PLEK2: variants seen among roughly 807,000 people sequenced by gnomAD.
PLEK2 encodes pleckstrin-2.
Under a neutral mutation model 43.8 loss-of-function variants are expected in PLEK2, and 29 were observed. That is an observed-to-expected ratio of 0.66 (90% confidence interval 0.49 to 0.90). The LOEUF is 0.90. PLEK2 is among the 40% of genes least tolerant of loss of function. The pLI is 0.00. For missense variants in PLEK2, 398 were observed against 448.1 expected (o/e 0.89, Z 1.01); for synonymous variants, 162 against 173.2 (o/e 0.94, Z 0.51).
chr14:67,405,999 T>C (rs1325052770), intron 1 of PLEK2, among the ~76,000 whole-genome samples: 1 of 152,196 alleles, frequency 6.6e-6, no homozygotes, highest in African/African-American at 2.4e-5. Flanking sequence ...GGCTCACACC[T>C]GTAATCCCAG....
chr14:67,397,272 C>CT (rs145293907), intron 2 of PLEK2, among the ~76,000 whole-genome samples: 1 of 152,260 alleles, frequency 6.6e-6, no homozygotes, highest in Non-Finnish European at 1.5e-5. Context: ...GAAGCCACCC[C>CT]TTACTTCTGG....
At chr14:67,399,553 A>C (rs1390502708) in intron 1 of PLEK2, among the ~76,000 whole-genome samples, 2 of 139,590 alleles carry the variant, frequency 1.4e-5, no homozygotes, top group Admixed American at 7.1e-5. Flanking sequence ...AGAGAAGGGT[A>C]GTTTAGGTGG....
At chr14:67,409,726 C>T (rs1028062022) in intron 1 of PLEK2, among the ~76,000 whole-genome samples, 3 of 152,172 alleles carry the variant, frequency 2.0e-5, no homozygotes, top group East Asian at 1.9e-4. Context: ...TCGCTTTCAC[C>T]GGTGATGACT....
In PLEK2 at chr14:67,397,683, G is replaced by A; in HGVS notation, c.186C>T (p.Cys62=). Residue 62 remains cysteine, a synonymous_variant, in exon 2 of 9, where the codon TGC becomes TGT. Transcript: ENST00000216446. ...TTACCGGTCGGTTTTCATACTCCAGGCAGGGGCAGGTGATGGTGCAGCCAT... is the reference window on the plus strand; with the variant it reads ...TTACCGGTCGGTTTTCATACTCCAGACAGGGGCAGGTGATGGTGCAGCCAT... ...LLDGCTITCP[C]LEYENRPLLI... is the part of the protein sequence containing the mutation. 1.2e-6 allele frequency: 2 copies of A among 1,612,396 alleles called. No individual in the cohort carries two copies. The highest frequency in any genetic ancestry group is 1.1e-5 in the South Asian group (1 of 90,442).
At chr14:67,395,307 C>T in intron 3 of PLEK2, 95 bp downstream of exon 3, 2 of 1,071,188 alleles carry the variant, frequency 1.9e-6, no homozygotes, top group Non-Finnish European at 2.8e-6. Context: ...CCAGACTGTG[C>T]AGCAAGCACA....
intron 1 of PLEK2, among the ~76,000 whole-genome samples, chr14:67,411,691 G>C (rs193061170): frequency 6.6e-6 from 1 of 152,308 alleles, no homozygotes; most frequent in East Asian, 1.9e-4. Flanking sequence ...TATTATCTTA[G>C]TAAATATTAT....
chr14:67,403,609 T>C (rs571177770), intron 1 of PLEK2, among the ~76,000 whole-genome samples: 3 of 152,306 alleles, frequency 2.0e-5, no homozygotes, highest in Admixed American at 2.0e-4. Flanking sequence ...TCCTAACTGA[T>C]AGCAAAGGAG....
At chr14:67,399,188 A>C (rs905485437) in intron 1 of PLEK2, among the ~76,000 whole-genome samples, 1 of 151,140 alleles carries the variant, frequency 6.6e-6, no homozygotes, top group African/African-American at 2.5e-5. Flanking sequence ...AGAGAAGGGT[A>C]GTTTAGGTGG....
At chr14:67,388,128 C>G in intron 8 of PLEK2, 96 bp downstream of exon 8, 2 of 769,236 alleles carry the variant, frequency 2.6e-6, no homozygotes, top group Non-Finnish European at 2.3e-6. Flanking sequence ...AAGCCCTGCT[C>G]GGCTCCCAAA....
In PLEK2 at chr14:67,410,167, G is replaced by T. The variant is rs186640405; in HGVS notation, c.42+1851C>A. ...AGTCCCATCCTCCTGGTGATATCCT[G>T]GGAGCTCTGTGGCTCTGCCCTTAGC... is the stretch of plus-strand genomic sequence containing the variant. On this transcript the variant is annotated intron_variant, in intron 1 of 8. Coordinates refer to ENST00000216446, the MANE Select transcript of PLEK2 (RefSeq NM_016445.3). Among the ~76,000 whole-genome samples, 97 of 152,172 alleles carry T rather than the reference G, an allele frequency of 6.4e-4. 1 individual carries two copies. The East Asian group carries it at 0.019, about 29-fold the overall frequency.
In PLEK2 at chr14:67,411,949, C is replaced by A. The variant is rs571236851; in HGVS notation, c.42+69G>T. 5.9e-5 allele frequency: 82 copies of A among 1,399,672 alleles called. No homozygotes were observed. The African/African-American group carries it at 9.9e-4, about 17-fold the overall frequency. The allele number at this position is 1,399,672 out of a possible 1,614,324, so 86.7% of individuals were successfully genotyped here. ...TGCCCGTTCCGGGGCGCGCGTCTGG[C>A]CCCGCTCTAGGGAGCCGCGTCGGCG... is the stretch of plus-strand genomic sequence containing the variant. On this transcript the variant is annotated intron_variant, in intron 1 of 8. Transcript: ENST00000216446.
chr14:67,408,234 C>T (rs2086092397), intron 1 of PLEK2, among the ~76,000 whole-genome samples: 1 of 149,774 alleles, frequency 6.7e-6, no homozygotes, highest in Non-Finnish European at 1.5e-5. Context: ...TGCAGTGAGC[C>T]GAGATTGCAC....
At chr14:67,391,269 A>G (rs1478434310) in intron 6 of PLEK2, among the ~76,000 whole-genome samples, 17 of 139,646 alleles carry the variant, frequency 1.2e-4, no homozygotes, top group Admixed American at 1.1e-3. Flanking sequence ...TAAGCAGCTG[A>G]TATGTGTGTG....
intron 1 of PLEK2, among the ~76,000 whole-genome samples, chr14:67,411,164 A>C (rs2086112916): frequency 6.6e-6 from 1 of 151,544 alleles, no homozygotes; most frequent in African/African-American, 2.4e-5. Context: ...AAAAAGGTCA[A>C]ATCAGGAAAA....
intron 7 of PLEK2, among the ~76,000 whole-genome samples, chr14:67,389,536 C>T (rs555371394): frequency 6.6e-6 from 1 of 152,228 alleles, no homozygotes; most frequent in Admixed American, 6.5e-5. Flanking sequence ...ATCTCTTCTG[C>T]ACTGTTTCCA....
intron 2 of PLEK2, among the ~76,000 whole-genome samples, chr14:67,397,081 G>A (rs1175075125): frequency 1.5e-5 from 2 of 131,836 alleles, no homozygotes; most frequent in Non-Finnish European, 3.0e-5. Context: ...TGGGATTACA[G>A]GCCACTGCGA....
chr14:67,393,181 C>T lies in PLEK2; in HGVS notation c.450G>A (p.Glu150=), dbSNP rs763006785. Residue 150 remains glutamate, a synonymous_variant, in exon 4 of 9, where the codon GAG becomes GAA. Coordinates refer to ENST00000216446, the MANE Select transcript of PLEK2 (RefSeq NM_016445.3). ...AGGTCTTTTTATAGGTGCTTCCCTG[C>T]TCCATGTTGGGGCTTGAACGGATTC... ...NTGIRSSPNM[E]QGSTYKKTFL... is the part of the protein sequence containing the mutation. 3.7e-6 allele frequency: 6 copies of T among 1,613,788 alleles called. No homozygotes were observed. In the Middle Eastern group the frequency reaches 4.9e-4, roughly 133 times the overall value.
intron 2 of PLEK2, 77 bp downstream of exon 2, chr14:67,397,585 C>A (rs778995259): frequency 7.8e-7 from 1 of 1,281,710 alleles, no homozygotes; most frequent in South Asian, 1.5e-5. Flanking sequence ...CTCCTACCCA[C>A]ACCACTTTCC....
intron 1 of PLEK2, among the ~76,000 whole-genome samples, chr14:67,399,908 C>G (rs1202393898): frequency 6.6e-6 from 1 of 152,202 alleles, no homozygotes; most frequent in African/African-American, 2.4e-5. Context: ...ACAAAAGCAC[C>G]TTCCTGGGAT....
Sources: gnomAD v4.1 joint callset for allele counts (sites outside exome capture counted in the v4.1 genomes callset) on GRCh38, gnomAD v4.1.1 for gene constraint, MANE v1.5 for transcripts, NCBI Gene and HGNC (gene_info 2026-07-23, HGNC 2026-07-21) for gene names.